Variants in LEUTX observed in about 807,000 individuals in gnomAD.
LEUTX encodes the protein leucine twenty homeobox.
A neutral mutation model predicts 4.5 loss-of-function variants in LEUTX; 5 were observed. The observed-to-expected ratio is 1.11, with a 90% CI of 0.58 to 2.34. The LOEUF is 2.34. Among genes scored for constraint, LEUTX ranks in the 30% most tolerant of loss-of-function variants. The pLI, the probability that LEUTX is intolerant of heterozygous loss-of-function variation, is 0.01. For synonymous variants in LEUTX, 89 were observed against 85.1 expected (o/e 1.05, Z -0.25); for missense variants, 233 against 239.4 (o/e 0.97, Z 0.18).
chr19:39,785,713 C>A lies in LEUTX; in HGVS notation c.175C>A (p.Gln59Lys), dbSNP rs1356786130. 6.4e-7 allele frequency: 1 copy of A among 1,551,690 alleles called. No individual in the cohort carries two copies. Among genetic ancestry groups the A allele is most frequent in the Non-Finnish European group, 8.7e-7 (1 of 1,146,952 alleles). ...CCCTCCTTAGATCTGGTTCAAGAAC[C>A]AGCGTGCCAAATGGAAGAGGCAGCA... ...LSVVKIWFKN[Q>K]RAKWKRQQRQ... Residue 59 changes from glutamine (Q) to lysine (K), a missense_variant, in exon 3 of 3, where the codon CAG becomes AAG. Gln to Lys is a moderately conservative substitution (Grantham distance 53, BLOSUM62 1). Coordinates refer to ENST00000638280, the MANE Select transcript of LEUTX (RefSeq NM_001382345.1).
At chr19:39,782,941 T>C (rs1453907043) in intron 1 of LEUTX, among the ~76,000 whole-genome samples, 1 of 152,110 alleles carries the variant, frequency 6.6e-6, no homozygotes, top group East Asian at 1.9e-4. Context: ...ATGAGTAAGT[T>C]CTTTAGTGGT....
At position 39,784,555 on chromosome 19, in the gene LEUTX, C is replaced by A; in HGVS notation, c.36C>A (p.Arg12=). The A allele has an allele frequency of 1.5e-6, 2 of 1,295,578 alleles. No homozygotes were observed. The highest frequency in any genetic ancestry group is 2.2e-6 in the Non-Finnish European group (2 of 913,170). The allele number at this position is 1,295,578 out of a possible 1,614,324, so 80.3% of individuals were successfully genotyped here. ...FEGPRRYRRP[R]TRFLSKQLTA... ...GGCCAAGGCGTTATCGTCGGCCACGCACAAGATTTCTCTCCAAACAACTCA... is the reference window on the plus strand; with the variant it reads ...GGCCAAGGCGTTATCGTCGGCCACGAACAAGATTTCTCTCCAAACAACTCA... The change falls in exon 2 of 3, where the codon CGC becomes CGA. Residue 12 remains arginine, a synonymous_variant. Coordinates refer to ENST00000638280, the MANE Select transcript of LEUTX (RefSeq NM_001382345.1).
upstream of LEUTX, among the ~76,000 whole-genome samples, chr19:39,777,442 G>T (rs928479030): frequency 2.6e-5 from 4 of 152,108 alleles, no homozygotes; most frequent in Admixed American, 1.3e-4. Context: ...AAGTGTCAGG[G>T]GTGTTTTAAC....
rs1967840629 is a variant in LEUTX at position 39,778,854 on chromosome 19, A to G, written c.-67A>G. 2 of 152,148 alleles carry G rather than the reference A, an allele frequency of 1.3e-5. No homozygotes were observed. The highest frequency in any genetic ancestry group is 4.2e-4 in the South Asian group (2 of 4,816). The allele number at this position is 152,148 out of a possible 1,614,324, so 9.4% of individuals were successfully genotyped here. On this transcript the variant is annotated 5_prime_UTR_variant, in exon 1 of 3. Coordinates refer to ENST00000638280, the MANE Select transcript of LEUTX (RefSeq NM_001382345.1). ...AAGCGGGTCTTTTAGCCCAGCAGTC[A>G]CATAGACTCAGCTCAGGAGCTCTGC...
chr19:39,785,865 T>A lies in LEUTX; in HGVS notation c.327T>A (p.Asp109Glu), dbSNP rs1045146578. 1 of 1,551,794 alleles carries A rather than the reference T, an allele frequency of 6.4e-7. No homozygotes were observed. The change falls in exon 3 of 3, where the codon GAT becomes GAA. Residue 109 changes from aspartate to glutamate, a missense_variant. Transcript: ENST00000638280. The part of the protein sequence containing the change: ...NIRPVSPGIS[D>E]ANDHDLREPS... ...GTCCAGTAAGTCCTGGAATCTCTGA[T>A]GCAAATGACCATGATCTACGTGAGC...
At chr19:39,781,235 C>T (rs1462940588) in intron 1 of LEUTX, among the ~76,000 whole-genome samples, 3 of 152,146 alleles carry the variant, frequency 2.0e-5, no homozygotes, top group Non-Finnish European at 2.9e-5. Flanking sequence ...TGTGCCCGAT[C>T]ACTTGTCTTC....
intron 1 of LEUTX, among the ~76,000 whole-genome samples, chr19:39,781,138 C>G (rs1967880392): frequency 3.3e-5 from 5 of 151,976 alleles, no homozygotes; most frequent in Admixed American, 1.3e-4. Flanking sequence ...CTGTCCCCTT[C>G]CTGTTTGAGA....
Position 39,786,194 on chromosome 19 carries a change from C to A in LEUTX, c.*59C>A. 1 of 1,301,016 alleles carries A rather than the reference C, an allele frequency of 7.7e-7. No individual in the cohort carries two copies. The highest frequency in any genetic ancestry group is 1.6e-5 in the South Asian group (1 of 62,700). The allele number at this position is 1,301,016 out of a possible 1,614,324, so 80.6% of individuals were successfully genotyped here. The stretch of plus-strand genomic sequence containing the variant: ...TCTGACCCACTGAGACATATTTCCA[C>A]ACATCTTTAATGGTTTGACCCCAGT... On this transcript the variant is annotated 3_prime_UTR_variant, in exon 3 of 3. Coordinates refer to ENST00000638280, the MANE Select transcript of LEUTX (RefSeq NM_001382345.1).
chr19:39,786,232 G>C lies in LEUTX; in HGVS notation c.*97G>C. The C allele has an allele frequency of 2.3e-6, 2 of 888,120 alleles. No homozygotes were observed. The highest frequency in any genetic ancestry group is 1.6e-6 in the Non-Finnish European group (1 of 614,242). The allele number at this position is 888,120 out of a possible 1,614,324, so 55.0% of individuals were successfully genotyped here. A position where few individuals can be genotyped will look rare whatever the true frequency, so the allele number is the denominator to read the frequency against. ...GTTTGACCCCAGTCTAAGTAGATCA[G>C]GGGCTGGGAATTTATCTTTTTCTGT... is the stretch of plus-strand genomic sequence containing the variant. On this transcript the variant is annotated 3_prime_UTR_variant, in exon 3 of 3. Transcript: ENST00000638280.
chr19:39,779,464 C>T (rs1967852127), intron 1 of LEUTX, among the ~76,000 whole-genome samples: 1 of 152,042 alleles, frequency 6.6e-6, no homozygotes, highest in Admixed American at 6.5e-5. Context: ...TCTGTTTTTC[C>T]CCTATGCTAA....
chr19:39,784,013 T>C (rs1967926184), intron 1 of LEUTX, among the ~76,000 whole-genome samples: 1 of 152,184 alleles, frequency 6.6e-6, no homozygotes, highest in African/African-American at 2.4e-5. Flanking sequence ...TCTTTGTTTT[T>C]ATTGCATTTG....
At chr19:39,785,660 A>C (rs576568621) in intron 2 of LEUTX, 38 bp from the exon 3 acceptor site, 1 of 1,493,588 alleles carries the variant, frequency 6.7e-7, no homozygotes, top group Non-Finnish European at 9.1e-7. Context: ...CTTTATACTC[A>C]ACATCCATTA....
chr19:39,786,221 T>C lies in LEUTX; in HGVS notation c.*86T>C. 2.0e-6 allele frequency: 2 copies of C among 1,016,882 alleles called. No homozygotes were observed. Among genetic ancestry groups the C allele is most frequent in the Non-Finnish European group, 2.8e-6 (2 of 719,382 alleles). The allele number at this position is 1,016,882 out of a possible 1,614,324, so 63.0% of individuals were successfully genotyped here. On this transcript the variant is annotated 3_prime_UTR_variant, in exon 3 of 3. Transcript: ENST00000638280. The stretch of plus-strand genomic sequence containing the variant: ...CATCTTTAATGGTTTGACCCCAGTC[T>C]AAGTAGATCAGGGGCTGGGAATTTA...
intron 1 of LEUTX, among the ~76,000 whole-genome samples, chr19:39,780,813 G>A (rs892098120): frequency 1.5e-4 from 23 of 151,454 alleles, no homozygotes; most frequent in East Asian, 1.9e-4. Context: ...TCTTTTATCC[G>A]AGCATATTAA....
rs541307025 is a variant in LEUTX, at chr19:39,785,720, C to T, written c.182C>T (p.Ala61Val). 31 of 1,551,812 alleles carry T rather than the reference C, an allele frequency of 2.0e-5. No individual in the cohort carries two copies. In the South Asian group the frequency reaches 3.5e-4, roughly 17 times the overall value. The change falls in exon 3 of 3, where the codon GCC becomes GTC. Residue 61 changes from alanine to valine, a missense_variant. Transcript: ENST00000638280. ...VVKIWFKNQR[A>V]KWKRQQRQQM... ...TAGATCTGGTTCAAGAACCAGCGTG[C>T]CAAATGGAAGAGGCAGCAGCGGCAG... is the stretch of plus-strand genomic sequence containing the variant.
Position 39,784,629 on chromosome 19 carries a change from CA to C in LEUTX, c.112del (p.Met38TrpfsTer14). On this transcript the variant is annotated frameshift_variant, in exon 2 of 3. Coordinates refer to ENST00000638280, the MANE Select transcript of LEUTX (RefSeq NM_001382345.1). LOFTEE classifies it low-confidence loss of function (END_TRUNC). Reference sequence around the variant, plus strand: ...AAGACCATGCACCCAAGTTTGGCTACAATGGGGAAACTGGCTTCAAAGCTAC... The same window carrying C: ...AAGACCATGCACCCAAGTTTGGCTACATGGGGAAACTGGCTTCAAAGCTAC... ...LEKTMHPSLA[T>X]MGKLASKLQL... is the part of the protein sequence containing the mutation. 1 of 1,551,558 alleles carries C rather than the reference CA, an allele frequency of 6.4e-7. No homozygotes were observed.
intron 1 of LEUTX, among the ~76,000 whole-genome samples, chr19:39,781,518 A>C (rs1205328239): frequency 6.6e-6 from 1 of 152,182 alleles, no homozygotes. Flanking sequence ...TTGGATCATG[A>C]GAGCAGATCC....
intron 2 of LEUTX, 77 bp from the exon 3 acceptor site, chr19:39,785,621 C>A (rs1025269136): frequency 2.5e-6 from 3 of 1,196,582 alleles, no homozygotes; most frequent in Non-Finnish European, 2.3e-6. Flanking sequence ...CACCAAAAAA[C>A]CGAATTCCTG....
At chr19:39,783,047 C>T (rs188880411) in intron 1 of LEUTX, among the ~76,000 whole-genome samples, 6 of 151,704 alleles carry the variant, frequency 4.0e-5, no homozygotes, top group South Asian at 2.1e-4. Context: ...CCCTTTCCCC[C>T]GAATCCCCAA....
Sources: gnomAD v4.1 joint callset for allele counts (sites outside exome capture counted in the v4.1 genomes callset) on GRCh38, gnomAD v4.1.1 for gene constraint, MANE v1.5 for transcripts, NCBI Gene and HGNC (gene_info 2026-07-23, HGNC 2026-07-21) for gene names.